The following MSRB3 variants were observed in gnomAD, a reference collection of about 807,000 sequenced individuals.
MSRB3 encodes methionine-R-sulfoxide reductase B3.
MSRB3 carries 13 observed loss-of-function variants against 21.0 expected under a neutral mutation model. That is an observed-to-expected ratio of 0.62 (90% CI 0.40 to 0.98). The LOEUF (loss-of-function observed/expected upper bound fraction) is 0.98. MSRB3 is among the 50% of genes least tolerant of loss of function. The pLI is 0.00. For missense variants in MSRB3, 199 were observed against 230.3 expected, an observed-to-expected ratio of 0.86 and a Z score of 0.88; for synonymous variants, 87 against 88.6, an observed-to-expected ratio of 0.98 and a Z score of 0.10.
chr12:65,308,043 G>T (rs1056201398), intron 1 of MSRB3, among the ~76,000 whole-genome samples: 1 of 152,190 alleles, frequency 6.6e-6, no homozygotes, highest in African/African-American at 2.4e-5. Context: ...ACATGGCTTT[G>T]CAGTCAGTAT....
chr12:65,338,732 T>C (rs2136469176), intron 4 of MSRB3, among the ~76,000 whole-genome samples: 1 of 152,318 alleles, frequency 6.6e-6, no homozygotes, highest in South Asian at 2.1e-4. Flanking sequence ...GGATAAAATG[T>C]CCACGTTTTT....
chr12:65,429,949 T>C (rs1359113260), intron 5 of MSRB3, among the ~76,000 whole-genome samples: 1 of 152,228 alleles, frequency 6.6e-6, no homozygotes, highest in Non-Finnish European at 1.5e-5. Flanking sequence ...GTTCAGTCCC[T>C]GCACTAGCAG....
intron 2 of MSRB3, among the ~76,000 whole-genome samples, chr12:65,312,843 TTA>T (rs755281981): frequency 2.0e-5 from 3 of 152,072 alleles, no homozygotes; most frequent in Non-Finnish European, 4.4e-5. Context: ...TTTGGAATGT[TTA>T]TGTGTAGGTG....
At position 65,343,954 on chromosome 12, in the gene MSRB3, C is replaced by T. The variant is rs887635707; in HGVS notation, c.263+15351C>T. Among the ~76,000 whole-genome samples the T allele has an allele frequency of 5.9e-5, 9 of 152,242 alleles. No individual in the cohort carries two copies. The East Asian group carries it at 1.7e-3, about 29-fold the overall frequency. On this transcript the variant is annotated intron_variant, in intron 4 of 6. Coordinates refer to ENST00000308259, the MANE Select transcript of MSRB3 (RefSeq NM_001031679.3). ...ATACATGTGAGGTTTAAAGTCACAACTTTCCCCACTTTACTGTGTGTGACT... is the reference window on the plus strand; with the variant it reads ...ATACATGTGAGGTTTAAAGTCACAATTTTCCCCACTTTACTGTGTGTGACT...
At position 65,464,900 on chromosome 12, in the gene MSRB3, C is replaced by T. The variant is rs570686433; in HGVS notation, c.*1578C>T. ...TGTGACAAAGGACAAGCCATGTAGC[C>T]TCTCTGTGCCTATTTCTTCATGCAT... On this transcript the variant is annotated 3_prime_UTR_variant, in exon 7 of 7. Transcript: ENST00000308259. 1 of 152,346 alleles carries T rather than the reference C, an allele frequency of 6.6e-6. No individual in the cohort carries two copies. The highest frequency in any genetic ancestry group is 2.1e-4 in the South Asian group (1 of 4,824). 9.4% of individuals were successfully genotyped at this position (152,346 alleles called of 1,614,324 possible).
chr12:65,390,763 T>C (rs1332790381), intron 5 of MSRB3, among the ~76,000 whole-genome samples: 1 of 152,164 alleles, frequency 6.6e-6, no homozygotes, highest in Admixed American at 6.5e-5. Flanking sequence ...ACTCTCTACA[T>C]GGAAAAAATC....
intron 5 of MSRB3, among the ~76,000 whole-genome samples, chr12:65,414,534 G>A (rs1880876050): frequency 6.6e-6 from 1 of 152,168 alleles, no homozygotes; most frequent in East Asian, 1.9e-4. Flanking sequence ...TGCCGTGCAG[G>A]TTTGTAGCCT....
chr12:65,330,523 A>C (rs958178325), intron 4 of MSRB3, among the ~76,000 whole-genome samples: 3 of 152,072 alleles, frequency 2.0e-5, no homozygotes, highest in African/African-American at 7.2e-5. Flanking sequence ...TCTAGTGCCA[A>C]CTTCTGTATG....
At chr12:65,391,821 T>A (rs1047618791) in intron 5 of MSRB3, among the ~76,000 whole-genome samples, 3 of 152,062 alleles carry the variant, frequency 2.0e-5, no homozygotes, top group Admixed American at 6.6e-5. Context: ...TCATAGAGGA[T>A]CATGAAAAGT....
intron 5 of MSRB3, among the ~76,000 whole-genome samples, chr12:65,434,370 T>A (rs1212067178): frequency 1.3e-5 from 2 of 151,896 alleles, no homozygotes; most frequent in Non-Finnish European, 2.9e-5. Flanking sequence ...GATCACTTTG[T>A]CCACCCAGGG....
At chr12:65,280,265 T>C (rs1349251920) in intron 1 of MSRB3, among the ~76,000 whole-genome samples, 1 of 152,196 alleles carries the variant, frequency 6.6e-6, no homozygotes, top group Non-Finnish European at 1.5e-5. Flanking sequence ...TGCATAGTAT[T>C]GTTTTTCAAA....
intron 4 of MSRB3, among the ~76,000 whole-genome samples, chr12:65,350,222 A>G (rs1876852107): frequency 6.6e-6 from 1 of 151,290 alleles, no homozygotes; most frequent in African/African-American, 2.4e-5. Flanking sequence ...ATAGTTGTAG[A>G]TATGCGGCGT....
intron 2 of MSRB3, among the ~76,000 whole-genome samples, chr12:65,310,870 G>C (rs984270816): frequency 6.6e-6 from 1 of 152,178 alleles, no homozygotes; most frequent in African/African-American, 2.4e-5. Flanking sequence ...TAGCTTCCTT[G>C]TTTGTAACAT....
intron 5 of MSRB3, among the ~76,000 whole-genome samples, chr12:65,440,437 T>C (rs924535615): frequency 6.6e-6 from 1 of 151,846 alleles, no homozygotes; most frequent in Non-Finnish European, 1.5e-5. Context: ...AAGAAAACTG[T>C]TATCAATTAA....
rs539084405 is a variant in MSRB3, at chr12:65,387,745, T to C, written c.292+18719T>C. Among the ~76,000 whole-genome samples, 110 of 152,112 alleles carry C rather than the reference T, an allele frequency of 7.2e-4. 1 individual carries two copies. The highest frequency in any genetic ancestry group is 1.6e-4 in the Non-Finnish European group (11 of 68,002). ...GTTATGAGAATTAAATAAAATAACA[T>C]AGAGTGAAATCACTTAGCAAAGTGC... On this transcript the variant is annotated intron_variant, in intron 5 of 6. Transcript: ENST00000308259.
chr12:65,353,469 C>T (rs535004451), intron 4 of MSRB3, among the ~76,000 whole-genome samples: 9 of 152,240 alleles, frequency 5.9e-5, no homozygotes, highest in African/African-American at 1.9e-4. Flanking sequence ...GATCCCTTTA[C>T]CATTATGTAA....
intron 5 of MSRB3, among the ~76,000 whole-genome samples, chr12:65,388,960 C>T (rs985821409): frequency 3.3e-5 from 5 of 152,198 alleles, no homozygotes; most frequent in African/African-American, 1.2e-4. Context: ...ATGCCTCCCT[C>T]TTTTCTTCTA....
At chr12:65,314,298 C>T (rs1002216742) in intron 2 of MSRB3, among the ~76,000 whole-genome samples, 3 of 151,884 alleles carry the variant, frequency 2.0e-5, no homozygotes, top group Non-Finnish European at 4.4e-5. Flanking sequence ...TTTTGTTTTG[C>T]TGTGTTTTGA....
chr12:65,417,469 T>C lies in MSRB3; in HGVS notation c.293-36259T>C, dbSNP rs141391316. On this transcript the variant is annotated intron_variant, in intron 5 of 6. Coordinates refer to ENST00000308259, the MANE Select transcript of MSRB3 (RefSeq NM_001031679.3). ...GCTAAATCAAACTATTTTTAACATATGCATTACCTCACATATTTATTATTT... is the reference window on the plus strand; with the variant it reads ...GCTAAATCAAACTATTTTTAACATACGCATTACCTCACATATTTATTATTT... Among the ~76,000 whole-genome samples the C allele has an allele frequency of 2.4e-3, 367 of 152,340 alleles. 2 individuals carry two copies. The highest frequency in any genetic ancestry group is 8.3e-3 in the African/African-American group (345 of 41,588).
Sources: allele counts gnomAD v4.1 joint callset (sites outside exome capture counted in the v4.1 genomes callset), GRCh38; gene constraint gnomAD v4.1.1; transcripts MANE v1.5; gene names NCBI Gene and HGNC (gene_info 2026-07-23, HGNC 2026-07-21).